Variants in USP32 observed in about 807,000 individuals in gnomAD.
USP32 encodes the protein ubiquitin carboxyl-terminal hydrolase 32.
A neutral mutation model predicts 204.8 loss-of-function variants in USP32; 59 were observed. The ratio of observed to expected loss-of-function variants is 0.29; its 90% CI spans 0.23 to 0.36. The LOEUF is 0.36. Among genes scored for constraint, USP32 ranks in the 10% least tolerant of loss-of-function variants. The pLI is 1.00. For missense variants in USP32, 1,160 were observed against 1,946.4 expected (o/e 0.60, Z 7.60); for synonymous variants, 517 against 678.4 (o/e 0.76, Z 3.70).
At chr17:60,312,933 C>T (rs546634587) in intron 2 of USP32, among the ~76,000 whole-genome samples, 1 of 152,232 alleles carries the variant, frequency 6.6e-6, no homozygotes, top group South Asian at 2.1e-4. Flanking sequence ...GATAAAATTT[C>T]AAATGTTAAC....
At chr17:60,284,853 T>G (rs983045922) in intron 5 of USP32, among the ~76,000 whole-genome samples, 4 of 152,196 alleles carry the variant, frequency 2.6e-5, no homozygotes, top group Admixed American at 6.6e-5. Context: ...CCAGCAATAG[T>G]CATTCCCCTC....
At chr17:60,407,721 A>T (rs1314957342) in intron 1 of USP32, among the ~76,000 whole-genome samples, 1 of 148,948 alleles carries the variant, frequency 6.7e-6, no homozygotes, top group East Asian at 2.0e-4. Context: ...GGCGGAGGTT[A>T]CAGTGAGCCG....
At chr17:60,256,310 G>C (rs1387135989) in intron 9 of USP32, among the ~76,000 whole-genome samples, 2 of 152,152 alleles carry the variant, frequency 1.3e-5, no homozygotes, top group Non-Finnish European at 2.9e-5. Context: ...AAGGCAGGGA[G>C]AGGGGTAGGC....
At chr17:60,412,998 A>C (rs1247553215) in intron 1 of USP32, among the ~76,000 whole-genome samples, 1 of 152,208 alleles carries the variant, frequency 6.6e-6, no homozygotes, top group Non-Finnish European at 1.5e-5. Context: ...TGATACCCTG[A>C]CAAGATATTT....
intron 2 of USP32, among the ~76,000 whole-genome samples, chr17:60,321,194 C>T (rs2088104732): frequency 6.6e-6 from 1 of 152,100 alleles, no homozygotes; most frequent in Admixed American, 6.6e-5. Flanking sequence ...TGGATATAAG[C>T]CTAAATTGCT....
intron 2 of USP32, among the ~76,000 whole-genome samples, chr17:60,343,609 C>T (rs1240281387): frequency 6.6e-6 from 1 of 152,168 alleles, no homozygotes; most frequent in Non-Finnish European, 1.5e-5. Flanking sequence ...CCAATGAGAA[C>T]AAAGACACAA....
chr17:60,296,143 T>A (rs192393702), intron 3 of USP32, among the ~76,000 whole-genome samples: 1 of 152,178 alleles, frequency 6.6e-6, no homozygotes, highest in Non-Finnish European at 1.5e-5. Context: ...CAGGGACATA[T>A]GATACAATGT....
intron 1 of USP32, among the ~76,000 whole-genome samples, chr17:60,350,601 AT>A (rs2088925288): frequency 6.6e-6 from 1 of 152,136 alleles, no homozygotes; most frequent in Admixed American, 6.5e-5. Context: ...GGTGTGGTAA[AT>A]TTTTTAAATA....
chr17:60,223,557 C>G lies in USP32; in HGVS notation c.1462G>C (p.Asp488His). Residue 488 changes from aspartate to histidine, a missense_variant, in exon 14 of 34, where the codon GAT becomes CAT. Physicochemically the swap from Asp to His is moderately conservative, Grantham distance 81 (BLOSUM62 -1). Coordinates refer to ENST00000300896, the MANE Select transcript of USP32 (RefSeq NM_032582.4). ...GFLYSATPGADVCFARQHNTS... is the reference protein window; with the variant it reads ...GFLYSATPGAHVCFARQHNTS... Reference sequence around the variant, plus strand: ...TTATGTTGTCGAGCAAAGCAAACATCTGCCCCTGGTGTGGCAGAATACAGA... The same window carrying G: ...TTATGTTGTCGAGCAAAGCAAACATGTGCCCCTGGTGTGGCAGAATACAGA... 6.2e-7 allele frequency: 1 copy of G among 1,608,772 alleles called. No individual in the cohort carries two copies. Among genetic ancestry groups the G allele is most frequent in the Non-Finnish European group, 8.5e-7 (1 of 1,178,838 alleles).
intron 1 of USP32, among the ~76,000 whole-genome samples, chr17:60,346,133 A>C (rs2088780671): frequency 6.6e-6 from 1 of 151,320 alleles, no homozygotes; most frequent in South Asian, 2.1e-4. Flanking sequence ...TTTTTAAGAG[A>C]TGGGTCTCGC....
chr17:60,322,562 T>TA (rs888524207), intron 2 of USP32, among the ~76,000 whole-genome samples: 6 of 152,092 alleles, frequency 3.9e-5, no homozygotes, highest in Admixed American at 1.3e-4. Context: ...TTCTACACAC[T>TA]AAAAAAATAG....
chr17:60,211,231 G>T (rs2084959049), intron 20 of USP32, 113 bp from the exon 21 acceptor site: 1 of 1,502,726 alleles, frequency 6.7e-7, no homozygotes, highest in East Asian at 2.3e-5. Flanking sequence ...TGAAACAAGA[G>T]ATGTATTCCT....
chr17:60,388,064 T>C (rs560237178), intron 1 of USP32, among the ~76,000 whole-genome samples: 2 of 152,242 alleles, frequency 1.3e-5, no homozygotes, highest in South Asian at 4.1e-4. Context: ...CCTTAGTGCC[T>C]AATTCATACC....
intron 1 of USP32, among the ~76,000 whole-genome samples, chr17:60,414,169 C>T (rs1401254320): frequency 6.6e-6 from 1 of 151,820 alleles, no homozygotes; most frequent in Non-Finnish European, 1.5e-5. Flanking sequence ...TCGAGACCAG[C>T]CTGGCCAACA....
chr17:60,352,126 A>G (rs1374644634), intron 1 of USP32, among the ~76,000 whole-genome samples: 2 of 152,248 alleles, frequency 1.3e-5, no homozygotes, highest in Non-Finnish European at 2.9e-5. Flanking sequence ...ACTTTATTCA[A>G]GATGATAATG....
intron 1 of USP32, among the ~76,000 whole-genome samples, chr17:60,390,812 C>T (rs2089820249): frequency 6.6e-6 from 1 of 152,198 alleles, no homozygotes; most frequent in Non-Finnish European, 1.5e-5. Flanking sequence ...ACAATAATGC[C>T]TAGCTCCTAA....
intron 29 of USP32, among the ~76,000 whole-genome samples, chr17:60,189,020 C>T (rs1046946916): frequency 4.6e-5 from 7 of 152,204 alleles, no homozygotes; most frequent in Admixed American, 2.0e-4. Flanking sequence ...TCCGATTGCA[C>T]ACTGGATTTG....
chr17:60,279,668 C>T (rs2086919907), intron 5 of USP32, among the ~76,000 whole-genome samples: 1 of 151,484 alleles, frequency 6.6e-6, no homozygotes, highest in Non-Finnish European at 1.5e-5. Flanking sequence ...AAAACCCCTT[C>T]TCTACAAAAA....
chr17:60,384,781 A>G (rs932643814), intron 1 of USP32, among the ~76,000 whole-genome samples: 2 of 151,696 alleles, frequency 1.3e-5, no homozygotes, highest in African/African-American at 4.8e-5. Flanking sequence ...AACAAGAGCA[A>G]AACTCCGTCC....
Sources: gnomAD v4.1 joint callset for allele counts (sites outside exome capture counted in the v4.1 genomes callset) on GRCh38, gnomAD v4.1.1 for gene constraint, MANE v1.5 for transcripts, NCBI Gene and HGNC (gene_info 2026-07-23, HGNC 2026-07-21) for gene names.